DHRSX: variants seen among roughly 807,000 people sequenced by gnomAD.
DHRSX encodes dehydrogenase/reductase X-linked.
A neutral mutation model predicts 34.0 loss-of-function variants in DHRSX; 31 were observed. The ratio of observed to expected loss-of-function variants is 0.91; its 90% CI spans 0.69 to 1.23. DHRSX has a LOEUF of 1.23. Ranked by LOEUF, DHRSX falls within the 50% of genes most tolerant of loss-of-function variation. DHRSX has a pLI of 0.00. For missense variants in DHRSX, 414 were observed against 428.1 expected, an observed-to-expected ratio of 0.97 and a Z score of 0.29; for synonymous variants, 201 against 183.8, an observed-to-expected ratio of 1.09 and a Z score of -0.76.
In DHRSX at chrX:2,425,246, G is replaced by A; in HGVS notation, c.168C>T (p.Gly56=). 1 of 1,613,852 alleles carries A rather than the reference G, an allele frequency of 6.2e-7. No homozygotes were observed. Residue 56 remains glycine, a synonymous_variant, in exon 2 of 7, where the codon GGC becomes GGT. Transcript: ENST00000334651. ...AIVTGGTDGI[G]YSTAKHLARL... ...TCGCCAGATGCTTCGCTGTAGAATA[G>A]CCAATGCCATCTGTCCCTCCCGTCA...
At chrX:2,276,512 C>T (rs1218778215) in intron 4 of DHRSX, among the ~76,000 whole-genome samples, 3 of 152,088 alleles carry the variant, frequency 2.0e-5, no homozygotes, top group Non-Finnish European at 4.4e-5. Flanking sequence ...ATTGATCTGC[C>T]AATTCAAAGG....
At chrX:2,475,299 A>G (rs34821866) in intron 1 of DHRSX, among the ~76,000 whole-genome samples, 26,516 of 143,798 alleles carry the variant, frequency 0.18, 3,650 homozygotes, top group African/African-American at 0.37. Context: ...CATGTGGCTA[A>G]GGGACTGCCA....
At chrX:2,475,699 G>A (rs1189305215) in intron 1 of DHRSX, among the ~76,000 whole-genome samples, 5 of 152,168 alleles carry the variant, frequency 3.3e-5, no homozygotes, top group East Asian at 1.9e-4. Flanking sequence ...TTAAGGGACC[G>A]CCGCCATGTA....
chrX:2,291,054 T>C (rs922571730), intron 4 of DHRSX, among the ~76,000 whole-genome samples: 10 of 152,078 alleles, frequency 6.6e-5, no homozygotes, highest in South Asian at 2.1e-4. Context: ...GATGGGCAGA[T>C]TGAAGGTGGG....
Position 2,408,725 on chromosome X carries a change from A to T in DHRSX, c.286+20T>A. ...GGAAAAAAAAAAACAAAAAAAAGCC[A>T]TTGGAGTATCTCTCGGTACCTTTGT... On this transcript the variant is annotated intron_variant, in intron 3 of 6. Coordinates refer to ENST00000334651, the MANE Select transcript of DHRSX (RefSeq NM_145177.3). 6.3e-7 allele frequency: 1 copy of T among 1,594,774 alleles called. No individual in the cohort carries two copies. The highest frequency in any genetic ancestry group is 8.5e-7 in the Non-Finnish European group (1 of 1,172,026).
chrX:2,313,298 GT>G (rs2042186201), intron 3 of DHRSX, among the ~76,000 whole-genome samples: 1 of 150,932 alleles, frequency 6.6e-6, no homozygotes, highest in Admixed American at 6.6e-5. Context: ...ATGAGCCACC[GT>G]ACCTGGCCCA....
At chrX:2,403,314 C>G (rs28472963) in intron 3 of DHRSX, among the ~76,000 whole-genome samples, 5,685 of 152,214 alleles carry the variant, frequency 0.037, 349 homozygotes, top group African/African-American at 0.13. Flanking sequence ...CACGGCACAC[C>G]CCATCTTCCC....
chrX:2,223,551 TG>T (rs1268139530), intron 6 of DHRSX, among the ~76,000 whole-genome samples: 1 of 151,980 alleles, frequency 6.6e-6, no homozygotes, highest in Non-Finnish European at 1.5e-5. Flanking sequence ...TGTCTTGCCC[TG>T]GGCATCTAAA....
In DHRSX at chrX:2,474,715, T is replaced by A. The variant is rs753748488; in HGVS notation, c.109+26102A>T. Among the ~76,000 whole-genome samples, 143 of 147,324 alleles carry A rather than the reference T, an allele frequency of 9.7e-4. 2 individuals are homozygous for A. Among genetic ancestry groups the A allele is most frequent in the Non-Finnish European group, 1.5e-3 (103 of 66,770 alleles). ...CCTAAGTGTGTGGCTAAGGGACCTC[T>A]GCCATGTACACACTGAAGACGTTCC... On this transcript the variant is annotated intron_variant, in intron 1 of 6. Transcript: ENST00000334651.
At chrX:2,430,642 C>T (rs1432444258) in intron 1 of DHRSX, among the ~76,000 whole-genome samples, 1 of 152,110 alleles carries the variant, frequency 6.6e-6, no homozygotes, top group African/African-American at 2.4e-5. Context: ...TCTGCCAGCG[C>T]CTGTTTGACC....
Position 2,477,155 on chromosome X carries a change from A to G in DHRSX, c.109+23662T>C, listed in dbSNP as rs780811100. ...ATGAGTGTGAGAAGGATTCCTTTCA[A>G]TGTAGAAGCTGTTTCCCTGCTCTGG... On this transcript the variant is annotated intron_variant, in intron 1 of 6. Transcript: ENST00000334651. 4.6e-5 allele frequency among the ~76,000 whole-genome samples: 7 copies of G among 152,270 alleles called. No individual in the cohort carries two copies. The South Asian group carries it at 6.2e-4, about 14-fold the overall frequency.
chrX:2,259,331 GATAT>G (rs890908875), intron 5 of DHRSX, among the ~76,000 whole-genome samples: 6 of 144,512 alleles, frequency 4.2e-5, no homozygotes, highest in Admixed American at 7.0e-5. Flanking sequence ...GATAGATATA[GATAT>G]ATATAGATAT....
chrX:2,254,709 C>T (rs73183496), intron 5 of DHRSX, among the ~76,000 whole-genome samples: 66,019 of 151,592 alleles, frequency 0.44, 15,393 homozygotes, highest in Middle Eastern at 0.56. Context: ...TGCAGTGGTG[C>T]GATCTCGGCT....
rs186916938 is a variant in DHRSX at position 2,350,858 on chromosome X, A to G, written c.286+57887T>C. 3.1e-3 allele frequency among the ~76,000 whole-genome samples: 470 copies of G among 152,336 alleles called. 5 individuals are homozygous for G. The highest frequency in any genetic ancestry group is 0.01 in the African/African-American group (423 of 41,588). Reference sequence around the variant, plus strand: ...TGTCCATCAATGATAAGACTGGATAAAGAAAATGTGGTATGTAGACACTAT... The same window carrying G: ...TGTCCATCAATGATAAGACTGGATAGAGAAAATGTGGTATGTAGACACTAT... On this transcript the variant is annotated intron_variant, in intron 3 of 6. Coordinates refer to ENST00000334651, the MANE Select transcript of DHRSX (RefSeq NM_145177.3).
intron 3 of DHRSX, among the ~76,000 whole-genome samples, chrX:2,401,892 T>C (rs2043490090): frequency 6.6e-6 from 1 of 152,252 alleles, no homozygotes; most frequent in African/African-American, 2.4e-5. Flanking sequence ...CCCAGATTCC[T>C]GAAAACAATC....
chrX:2,221,341 C>T (rs2015515740), intron 6 of DHRSX, 112 bp from the exon 7 acceptor site: 2 of 1,105,756 alleles, frequency 1.8e-6, no homozygotes, highest in Admixed American at 2.3e-5. Flanking sequence ...TCATCAGCTG[C>T]ACTGAGAAAT....
intron 6 of DHRSX, among the ~76,000 whole-genome samples, chrX:2,234,295 A>C (rs751381543): frequency 6.7e-6 from 1 of 150,046 alleles, no homozygotes; most frequent in Admixed American, 6.6e-5. Flanking sequence ...ATGCATGTGC[A>C]TTCAATATCT....
At chrX:2,259,001 G>A (rs1252281975) in intron 5 of DHRSX, among the ~76,000 whole-genome samples, 3 of 152,150 alleles carry the variant, frequency 2.0e-5, no homozygotes, top group South Asian at 2.1e-4. Context: ...GTGGCCGGGC[G>A]CAGTGGCTCA....
At chrX:2,224,155 G>A (rs1022610839) in intron 6 of DHRSX, among the ~76,000 whole-genome samples, 3 of 152,242 alleles carry the variant, frequency 2.0e-5, no homozygotes, top group Admixed American at 6.5e-5. Flanking sequence ...TTGACACTGA[G>A]GATTCAGGGG....
Sources: allele counts gnomAD v4.1 joint callset (sites outside exome capture counted in the v4.1 genomes callset), GRCh38; gene constraint gnomAD v4.1.1; transcripts MANE v1.5; gene names NCBI Gene and HGNC (gene_info 2026-07-23, HGNC 2026-07-21).